Variants in CUX2 observed in about 807,000 individuals in gnomAD.
CUX2 encodes cut like homeobox 2.
A neutral mutation model predicts 144.8 loss-of-function variants in CUX2; 40 were observed. The observed-to-expected ratio is 0.28, with a 90% CI of 0.21 to 0.36. The LOEUF (loss-of-function observed/expected upper bound fraction) is 0.36, where lower values mean the gene tolerates loss of function less well. Among genes scored for constraint, CUX2 ranks in the 10% least tolerant of loss-of-function variants. CUX2 has a pLI of 1.00. For missense variants in CUX2, 1,615 were observed against 1,994.0 expected (o/e 0.81, Z 3.62); for synonymous variants, 827 against 875.6 (o/e 0.94, Z 0.98).
Position 111,307,227 on chromosome 12 carries a change from C to A in CUX2, c.1079C>A (p.Ser360Tyr). The stretch of plus-strand genomic sequence containing the variant: ...CTGGAAGAGAAGCTCCAGGCCCAGT[C>A]TGACTATGAGGAAATTAAAACGGAG... The part of the protein sequence containing the change: ...EKLEEKLQAQ[S>Y]DYEEIKTELS... The change falls in exon 12 of 22, where the codon TCT becomes TAT. Residue 360 changes from serine to tyrosine, a missense_variant. By Grantham distance (144) the Ser-to-Tyr change is moderately radical (BLOSUM62 -2). Transcript: ENST00000261726. This position sits in a 1 kb window ranked among gnomAD's most constrained non-coding sequence, Gnocchi z 4.1. The A allele has an allele frequency of 1.9e-6, 3 of 1,614,194 alleles. No homozygotes were observed. Among genetic ancestry groups the A allele is most frequent in the Non-Finnish European group, 2.5e-6 (3 of 1,180,032 alleles).
intron 4 of CUX2, among the ~76,000 whole-genome samples, chr12:111,291,161 G>A (rs1330938035): frequency 1.3e-5 from 2 of 152,118 alleles, no homozygotes; most frequent in African/African-American, 2.4e-5. Context: ...CACCGCACCC[G>A]GCCTGGCCAA....
chr12:111,232,308 C>A (rs1372143093), intron 3 of CUX2, among the ~76,000 whole-genome samples: 1 of 151,718 alleles, frequency 6.6e-6, no homozygotes, highest in African/African-American at 2.4e-5. Context: ...TTGAGACCAG[C>A]ATGGGCAACA....
intron 20 of CUX2, among the ~76,000 whole-genome samples, chr12:111,341,271 G>T (rs1017771746): frequency 1.3e-5 from 2 of 152,058 alleles, no homozygotes; most frequent in East Asian, 3.9e-4. Flanking sequence ...TCCAACCTGG[G>T]TGACAGAGAG....
intron 18 of CUX2, among the ~76,000 whole-genome samples, chr12:111,324,686 GACGGGGTTTCTCC>G (rs1442322668): frequency 6.6e-6 from 1 of 151,884 alleles, no homozygotes; most frequent in African/African-American, 2.4e-5. Context: ...TGTTAGTAGA[GACGGGGTTTCTCC>G]ATGTTGGTCA....
At chr12:111,265,248 A>C (rs1321064988) in intron 4 of CUX2, among the ~76,000 whole-genome samples, 1 of 152,130 alleles carries the variant, frequency 6.6e-6, no homozygotes, top group Non-Finnish European at 1.5e-5. Context: ...TTGGTTGTAC[A>C]CAAAGGATCT....
chr12:111,191,749 T>C (rs1347436034), intron 1 of CUX2, among the ~76,000 whole-genome samples: 1 of 152,202 alleles, frequency 6.6e-6, no homozygotes. Flanking sequence ...GGACCTGCTG[T>C]TCCTCTTGCC....
At chr12:111,127,845 G>A (rs1412928423) in intron 1 of CUX2, among the ~76,000 whole-genome samples, 1 of 152,200 alleles carries the variant, frequency 6.6e-6, no homozygotes, top group Non-Finnish European at 1.5e-5. Flanking sequence ...ATGGTGGCAG[G>A]AAAGAGCTTG....
intron 1 of CUX2, among the ~76,000 whole-genome samples, chr12:111,163,089 C>T (rs1052422476): frequency 2.0e-5 from 3 of 151,484 alleles, no homozygotes; most frequent in Admixed American, 1.3e-4. Context: ...CTGCTGAATT[C>T]GAATCTCAGC....
chr12:111,169,966 G>C (rs1331456531), intron 1 of CUX2, among the ~76,000 whole-genome samples: 2 of 152,192 alleles, frequency 1.3e-5, no homozygotes, highest in Non-Finnish European at 2.9e-5. Context: ...TGTGGCAGCT[G>C]TGGATGGAAG....
At chr12:111,073,166 G>A (rs779227331) in intron 1 of CUX2, among the ~76,000 whole-genome samples, 7 of 152,002 alleles carry the variant, frequency 4.6e-5, no homozygotes, top group Admixed American at 1.3e-4. Flanking sequence ...AGGCTCCTTC[G>A]TATCCCTTCC....
intron 1 of CUX2, among the ~76,000 whole-genome samples, chr12:111,117,330 C>G (rs1193925641): frequency 6.6e-6 from 1 of 152,182 alleles, no homozygotes; most frequent in Admixed American, 6.5e-5. Flanking sequence ...ATCAGTGTCT[C>G]TTTAGGGACC....
chr12:111,172,279 A>G (rs1057031927), intron 1 of CUX2, among the ~76,000 whole-genome samples: 2 of 152,244 alleles, frequency 1.3e-5, no homozygotes, highest in African/African-American at 4.8e-5. Context: ...CTAAATAAAA[A>G]TAAACATTAA....
intron 1 of CUX2, among the ~76,000 whole-genome samples, chr12:111,051,564 G>C (rs1446608204): frequency 6.6e-6 from 1 of 151,604 alleles, no homozygotes; most frequent in Non-Finnish European, 1.5e-5. Flanking sequence ...GTTTCTTATG[G>C]TGGCTGTTTG....
At chr12:111,223,107 C>T (rs765913235) in intron 3 of CUX2, among the ~76,000 whole-genome samples, 19 of 152,220 alleles carry the variant, frequency 1.2e-4, no homozygotes, top group Admixed American at 1.1e-3. Flanking sequence ...CGTGCAGGTC[C>T]GCTCAACAGA....
chr12:111,197,931 G>GAA lies in CUX2; in HGVS notation c.64-16268_64-16267dup, dbSNP rs576639080. On this transcript the variant is annotated intron_variant, in intron 1 of 21. Coordinates refer to ENST00000261726, the MANE Select transcript of CUX2 (RefSeq NM_015267.4). Reference sequence around the variant, plus strand: ...TGCCCCCACTCAAGCCTGTTTGGGGGAACCCAGTGGTTTCATCCCTTTCAT... The same window carrying GAA: ...TGCCCCCACTCAAGCCTGTTTGGGGGAAAACCCAGTGGTTTCATCCCTTTCAT... Among the ~76,000 whole-genome samples the GAA allele has an allele frequency of 2.4e-4, 36 of 152,300 alleles. No homozygotes were observed. In the South Asian group the frequency reaches 4.1e-3, roughly 18 times the overall value.
chr12:111,112,753 T>C (rs952199220), intron 1 of CUX2, among the ~76,000 whole-genome samples: 1 of 152,192 alleles, frequency 6.6e-6, no homozygotes, highest in Non-Finnish European at 1.5e-5. Flanking sequence ...ATAAAGAAGT[T>C]CATGTTTTTC....
chr12:111,070,232 G>A (rs1451084586), intron 1 of CUX2, among the ~76,000 whole-genome samples: 2 of 152,152 alleles, frequency 1.3e-5, no homozygotes, highest in African/African-American at 4.8e-5. Flanking sequence ...ATCCTGCCCA[G>A]CTTCAGCAAG....
intron 1 of CUX2, among the ~76,000 whole-genome samples, chr12:111,096,694 A>G (rs1872836285): frequency 6.6e-6 from 1 of 152,100 alleles, no homozygotes; most frequent in African/African-American, 2.4e-5. Context: ...TGTTCAGGAG[A>G]TCTGGCTTGA....
chr12:111,233,037 T>C (rs1565863929), intron 3 of CUX2, among the ~76,000 whole-genome samples: 2 of 152,086 alleles, frequency 1.3e-5, no homozygotes, highest in Non-Finnish European at 2.9e-5. Context: ...GACCTGTGTA[T>C]GAATTGAAGC....
Sources: gnomAD v4.1 joint callset for allele counts (sites outside exome capture counted in the v4.1 genomes callset) on GRCh38, gnomAD v4.1.1 for gene constraint, Gnocchi (gnomAD v3.1) non-coding constraint, MANE v1.5 for transcripts, NCBI Gene and HGNC (gene_info 2026-07-23, HGNC 2026-07-21) for gene names.